The following DAB1 variants were observed in gnomAD, a reference collection of about 807,000 sequenced individuals.
The protein encoded by DAB1 is disabled homolog 1.
In DAB1, 15 loss-of-function variants were observed where a neutral mutation model predicts 64.6. The ratio of observed to expected loss-of-function variants is 0.23; its 90% CI spans 0.16 to 0.36. DAB1 has a LOEUF of 0.36. Ranked by LOEUF, DAB1 falls within the 10% of genes least tolerant of loss-of-function variation. The pLI is 1.00. For missense variants in DAB1, 596 were observed against 706.7 expected, an observed-to-expected ratio of 0.84 and a Z score of 1.78; for synonymous variants, 235 against 251.9, an observed-to-expected ratio of 0.93 and a Z score of 0.64.
chr1:58,108,448 T>A (rs1415021092), intron 5 of DAB1, among the ~76,000 whole-genome samples: 1 of 152,244 alleles, frequency 6.6e-6, no homozygotes, highest in African/African-American at 2.4e-5. Flanking sequence ...GTGCTTCTGA[T>A]GAAGCCAGGT....
chr1:57,670,842 C>G (rs2101683482), intron 6 of DAB1, among the ~76,000 whole-genome samples: 1 of 152,222 alleles, frequency 6.6e-6, no homozygotes, highest in South Asian at 2.1e-4. Context: ...CAGAGTTGTC[C>G]CTTGGGATCC....
chr1:57,307,903 G>A (rs1157254329), intron 1 of DAB1, among the ~76,000 whole-genome samples: 1 of 151,960 alleles, frequency 6.6e-6, no homozygotes, highest in Non-Finnish European at 1.5e-5. Flanking sequence ...CCCAGACCAG[G>A]TCTCCTTCTC....
intron 3 of DAB1, among the ~76,000 whole-genome samples, chr1:58,452,852 A>G (rs978032327): frequency 6.6e-6 from 1 of 151,206 alleles, no homozygotes; most frequent in African/African-American, 2.5e-5. Context: ...CAAAAAACAA[A>G]ACAAAAAAAA....
At chr1:57,891,178 AC>A (rs35077708) in intron 5 of DAB1, among the ~76,000 whole-genome samples, 1 of 152,116 alleles carries the variant, frequency 6.6e-6, no homozygotes, top group East Asian at 1.9e-4. Flanking sequence ...AAGACAAACA[AC>A]CCCACCAAAG....
intron 7 of DAB1, among the ~76,000 whole-genome samples, chr1:57,492,432 C>G (rs892295317): frequency 2.6e-5 from 4 of 152,170 alleles, no homozygotes; most frequent in Non-Finnish European, 5.9e-5. Flanking sequence ...AAGAGAATTA[C>G]TCTGGAAACT....
chr1:57,335,779 AT>A (rs1474651002), intron 1 of DAB1, among the ~76,000 whole-genome samples: 1 of 152,242 alleles, frequency 6.6e-6, no homozygotes, highest in Non-Finnish European at 1.5e-5. Flanking sequence ...CATGGGCACC[AT>A]TTTAAAACCT....
At chr1:57,461,959 T>C (rs1423432844) in intron 7 of DAB1, among the ~76,000 whole-genome samples, 1 of 146,622 alleles carries the variant, frequency 6.8e-6, no homozygotes, top group Admixed American at 6.8e-5. Flanking sequence ...TTTTTTTTTT[T>C]TTTTTTTTTT....
chr1:57,952,532 G>T (rs2100242411), intron 5 of DAB1, among the ~76,000 whole-genome samples: 1 of 152,198 alleles, frequency 6.6e-6, no homozygotes, highest in South Asian at 2.1e-4. Flanking sequence ...AAAGGAATGG[G>T]TCTGAGTGGA....
chr1:57,156,871 G>A (rs1039021298), intron 2 of DAB1, among the ~76,000 whole-genome samples: 9 of 152,176 alleles, frequency 5.9e-5, no homozygotes, highest in Admixed American at 5.9e-4. Context: ...AGACCTCGAA[G>A]ATTCTGTCAG....
intron 4 of DAB1, among the ~76,000 whole-genome samples, chr1:58,311,946 C>A (rs914984892): frequency 6.6e-6 from 1 of 152,116 alleles, no homozygotes; most frequent in African/African-American, 2.4e-5. Context: ...AAAAGTTAGG[C>A]AGTTGCTGCA....
chr1:57,612,799 C>A (rs1049152447), intron 7 of DAB1, among the ~76,000 whole-genome samples: 2 of 152,120 alleles, frequency 1.3e-5, no homozygotes, highest in African/African-American at 4.8e-5. Flanking sequence ...CACCCCCCAA[C>A]TAGAATGTAA....
intron 5 of DAB1, among the ~76,000 whole-genome samples, chr1:58,132,041 G>T (rs922813536): frequency 6.6e-6 from 1 of 152,132 alleles, no homozygotes; most frequent in African/African-American, 2.4e-5. Context: ...GCAATGGCGG[G>T]CGCCCCTCCC....
intron 3 of DAB1, among the ~76,000 whole-genome samples, chr1:57,141,261 A>T (rs1658564951): frequency 6.6e-6 from 1 of 152,158 alleles, no homozygotes; most frequent in African/African-American, 2.4e-5. Flanking sequence ...TACAGACTAG[A>T]ACTGCATTCT....
chr1:57,815,230 G>T (rs1352286039), intron 6 of DAB1, among the ~76,000 whole-genome samples: 1 of 151,778 alleles, frequency 6.6e-6, no homozygotes, highest in Non-Finnish European at 1.5e-5. Flanking sequence ...CACCACACCC[G>T]GCTAATTTTT....
intron 7 of DAB1, among the ~76,000 whole-genome samples, chr1:57,554,435 A>G (rs1644963536): frequency 6.6e-6 from 1 of 152,242 alleles, no homozygotes; most frequent in Non-Finnish European, 1.5e-5. Context: ...AGCATTTAGT[A>G]CAGTCCTGGC....
chr1:57,367,112 ATAAAATAAAT>A (rs1680111490), intron 1 of DAB1, among the ~76,000 whole-genome samples: 1 of 113,022 alleles, frequency 8.8e-6, no homozygotes, highest in East Asian at 2.9e-4. Flanking sequence ...ATAAAATAAA[ATAAAATAAAT>A]AAATTAGCCA....
intron 1 of DAB1, among the ~76,000 whole-genome samples, chr1:57,863,673 C>G (rs563713360): frequency 6.6e-6 from 1 of 152,198 alleles, no homozygotes; most frequent in South Asian, 2.1e-4. Flanking sequence ...GTCTCAGGAA[C>G]AGAGGTGTTA....
chr1:57,053,124 A>G (rs974536535), intron 9 of DAB1, among the ~76,000 whole-genome samples: 16 of 152,246 alleles, frequency 1.1e-4, no homozygotes, highest in African/African-American at 3.9e-4. Flanking sequence ...CATTTTGCAG[A>G]TAAGGATAAT....
intron 4 of DAB1, among the ~76,000 whole-genome samples, chr1:57,075,226 A>G (rs1223668171): frequency 6.6e-6 from 1 of 152,216 alleles, no homozygotes; most frequent in Admixed American, 6.5e-5. Context: ...GTGCAATGGT[A>G]AAATATCACT....
Sources: allele counts gnomAD v4.1 joint callset (sites outside exome capture counted in the v4.1 genomes callset), GRCh38; gene constraint gnomAD v4.1.1; transcripts MANE v1.5; gene names NCBI Gene and HGNC (gene_info 2026-07-23, HGNC 2026-07-21).